CPAMD8: variants seen among roughly 807,000 people sequenced by gnomAD.
The protein encoded by CPAMD8 is C3 and PZP like alpha-2-macroglobulin domain containing 8.
In CPAMD8, 146 loss-of-function variants were observed where a neutral mutation model predicts 224.7. The ratio of observed to expected loss-of-function variants is 0.65; its 90% CI spans 0.57 to 0.75. CPAMD8 has a LOEUF of 0.75. CPAMD8 is among the 30% of genes least tolerant of loss of function. The probability of loss-of-function intolerance (pLI) is 0.00; values close to 1 mark genes in which losing one functional copy is unlikely to be tolerated. For synonymous variants in CPAMD8, 966 were observed against 1,044.6 expected, an observed-to-expected ratio of 0.92 and a Z score of 1.45; for missense variants, 2,301 against 2,537.5, an observed-to-expected ratio of 0.91 and a Z score of 2.00.
intron 18 of CPAMD8, among the ~76,000 whole-genome samples, chr19:16,965,419 T>C (rs563636200): frequency 6.6e-6 from 1 of 152,268 alleles, no homozygotes; most frequent in South Asian, 2.1e-4. Flanking sequence ...GCATTCCCTT[T>C]GAAAACTGGC....
chr19:16,898,114 G>T lies in CPAMD8; in HGVS notation c.4849-120C>A. ...GACGCGTGAAACACAGAAGAAACGT[G>T]ATCCCATTTTCTTTTTTTCTTTTAC... is the stretch of plus-strand genomic sequence containing the variant. On this transcript the variant is annotated intron_variant, in intron 37 of 41. Transcript: ENST00000443236. This position sits in a 1 kb window ranked among gnomAD's most constrained non-coding sequence, Gnocchi z 4.2. 2 of 630,988 alleles carry T rather than the reference G, an allele frequency of 3.2e-6. No individual in the cohort carries two copies. The highest frequency in any genetic ancestry group is 3.1e-5 in the Admixed American group (1 of 32,728). 39.1% of individuals were successfully genotyped at this position (630,988 alleles called of 1,614,324 possible).
In CPAMD8 at chr19:16,993,402, C is replaced by T. The variant is rs374777732; in HGVS notation, c.1266+14G>A. 100 of 1,607,352 alleles carry T rather than the reference C, an allele frequency of 6.2e-5. No homozygotes were observed. Among genetic ancestry groups the T allele is most frequent in the East Asian group, 6.7e-5 (3 of 44,728 alleles). ...CTGCTGGCTGAATAACAAGGGTCCA[C>T]GGGACTCACCCACCTCCAGCCACAC... On this transcript the variant is annotated intron_variant, in intron 12 of 41. Coordinates refer to ENST00000443236, the MANE Select transcript of CPAMD8 (RefSeq NM_015692.5).
chr19:16,947,435 C>A (rs565051396), intron 20 of CPAMD8, among the ~76,000 whole-genome samples: 1 of 152,326 alleles, frequency 6.6e-6, no homozygotes, highest in East Asian at 1.9e-4. Context: ...CCTTCTCATG[C>A]CCATCTGTCT....
At chr19:17,016,491 T>G (rs2056815073) in intron 3 of CPAMD8, among the ~76,000 whole-genome samples, 2 of 152,192 alleles carry the variant, frequency 1.3e-5, no homozygotes, top group Admixed American at 6.6e-5. Context: ...CTGGGTGCAG[T>G]GGCTCACACC....
chr19:16,962,377 G>A (rs1304708178), intron 18 of CPAMD8, among the ~76,000 whole-genome samples: 7 of 152,146 alleles, frequency 4.6e-5, no homozygotes, highest in East Asian at 1.9e-4. Context: ...ACCATGGCAC[G>A]AGAACTTTGT....
chr19:16,943,670 T>C (rs1357891870), intron 22 of CPAMD8, among the ~76,000 whole-genome samples: 1 of 152,212 alleles, frequency 6.6e-6, no homozygotes, highest in African/African-American at 2.4e-5. Context: ...GGACATTTCC[T>C]AAAATAGAAA....
chr19:16,960,500 G>A (rs1347938383), intron 18 of CPAMD8, among the ~76,000 whole-genome samples: 1 of 150,542 alleles, frequency 6.6e-6, no homozygotes, highest in Admixed American at 6.6e-5. Flanking sequence ...GATATGGAAT[G>A]ATTTCCAAGA....
chr19:16,968,563 A>C (rs969560771), intron 18 of CPAMD8, among the ~76,000 whole-genome samples: 1 of 152,186 alleles, frequency 6.6e-6, no homozygotes, highest in African/African-American at 2.4e-5. Flanking sequence ...TCATAGCACA[A>C]TGTGACTGCA....
At chr19:16,939,862 G>A (rs1342699663) in intron 22 of CPAMD8, among the ~76,000 whole-genome samples, 1 of 151,938 alleles carries the variant, frequency 6.6e-6, no homozygotes, top group Non-Finnish European at 1.5e-5. Flanking sequence ...TGGCTTTACT[G>A]GGTCTTTAGC....
rs563263522 is a variant in CPAMD8 at position 16,898,423 on chromosome 19, C to T, written c.4849-429G>A. ...CCATTTTTTATTCTTTGGGTCCTTC[C>T]ATCCCACTGGGAAAACGTCTCAGGT... is the stretch of plus-strand genomic sequence containing the variant. On this transcript the variant is annotated intron_variant, in intron 37 of 41. Transcript: ENST00000443236. The surrounding 1 kb of genome is among the most constrained non-coding windows in gnomAD (Gnocchi z 4.2). 6.6e-6 allele frequency among the ~76,000 whole-genome samples: 1 copy of T among 152,192 alleles called. No homozygotes were observed. The highest frequency in any genetic ancestry group is 1.9e-4 in the East Asian group (1 of 5,176).
rs267605342 is a variant in CPAMD8, at chr19:16,997,268, C to G, written c.938G>C (p.Arg313Pro). 5.8e-6 allele frequency: 9 copies of G among 1,564,850 alleles called. No individual in the cohort carries two copies. The highest frequency in any genetic ancestry group is 7.9e-6 in the Non-Finnish European group (9 of 1,139,572). The change falls in exon 11 of 42, where the codon CGG becomes CCG. Residue 313 changes from arginine (R) to proline (P), a missense_variant. Arg to Pro is a moderately radical substitution (Grantham distance 103). Coordinates refer to ENST00000443236, the MANE Select transcript of CPAMD8 (RefSeq NM_015692.5). ...CATGGCCCAGATGCTGACCCTGCCCCGGAAGTGCTCAGGGACGTCCGCTGG... is the reference window on the plus strand; with the variant it reads ...CATGGCCCAGATGCTGACCCTGCCCGGGAAGTGCTCAGGGACGTCCGCTGG... ...MIPADVPEHFRGRVSIWAMVT... is the reference protein window; with the variant it reads ...MIPADVPEHFPGRVSIWAMVT...
chr19:16,981,021 C>T (rs1469732872), intron 13 of CPAMD8, among the ~76,000 whole-genome samples: 2 of 151,768 alleles, frequency 1.3e-5, no homozygotes, highest in African/African-American at 4.9e-5. Context: ...TTAGTAGAAA[C>T]GGAGTTTCAC....
Position 16,904,357 on chromosome 19 carries a change from A to G in CPAMD8, c.4120T>C (p.Ser1374Pro). The change falls in exon 32 of 42, where the codon TCG (serine) becomes CCG (proline). Residue 1374 changes from serine to proline, a missense_variant. By Grantham distance (74) the Ser-to-Pro change is moderately conservative. Transcript: ENST00000443236. ...TAGGCTGTCATTTCCACCTCGGCCGAGACCACTGCAATGGAAGAGGCCCAC... is the reference window on the plus strand; with the variant it reads ...TAGGCTGTCATTTCCACCTCGGCCGGGACCACTGCAATGGAAGAGGCCCAC... ...FSDRVSQSVV[S>P]AEVEMTAYAL... The G allele has an allele frequency of 6.2e-7, 1 of 1,613,970 alleles. No individual in the cohort carries two copies. Among genetic ancestry groups the G allele is most frequent in the Non-Finnish European group, 8.5e-7 (1 of 1,180,016 alleles).
rs768096624 is a variant in CPAMD8 at position 16,896,067 on chromosome 19, G to A, written c.5426+109C>T. The A allele has an allele frequency of 7.2e-6, 9 of 1,256,068 alleles. No individual in the cohort carries two copies. The East Asian group carries it at 2.1e-4, about 29-fold the overall frequency. 77.8% of individuals were successfully genotyped at this position (1,256,068 alleles called of 1,614,324 possible). On this transcript the variant is annotated intron_variant, in intron 41 of 41. Transcript: ENST00000443236. The stretch of plus-strand genomic sequence containing the variant: ...CACTCCCACTGCCAGTGGGGGGTCG[G>A]GGCGGGGCGGAGGAGTCGGGGCAGG...
At chr19:16,990,466 G>A (rs1026209444) in intron 12 of CPAMD8, among the ~76,000 whole-genome samples, 2 of 151,960 alleles carry the variant, frequency 1.3e-5, no homozygotes, top group South Asian at 4.2e-4. Flanking sequence ...GCTGAAGCAG[G>A]AGGATCACTT....
intron 27 of CPAMD8, among the ~76,000 whole-genome samples, chr19:16,915,575 G>A (rs2052920022): frequency 6.6e-6 from 1 of 152,112 alleles, no homozygotes; most frequent in Non-Finnish European, 1.5e-5. Flanking sequence ...CATCTCCCTT[G>A]CCCTGCTTTT....
chr19:16,903,715 A>G lies in CPAMD8; in HGVS notation c.4394T>C (p.Leu1465Pro), dbSNP rs1413957195. The change falls in exon 33 of 42, where the codon CTG (leucine) becomes CCG (proline). Residue 1465 changes from leucine (L) to proline (P), a missense_variant. Coordinates refer to ENST00000443236, the MANE Select transcript of CPAMD8 (RefSeq NM_015692.5). ...AGGAACACGCACCGCTGCTGTCTGC[A>G]GAACCTTCTGGTTGGTCCTGTGCAG... ...FELHRTNQKV[L>P]QTAAIPSLPT... 1.2e-6 allele frequency: 2 copies of G among 1,614,078 alleles called. No individual in the cohort carries two copies. Among genetic ancestry groups the G allele is most frequent in the Non-Finnish European group, 1.7e-6 (2 of 1,180,036 alleles).
chr19:16,897,796 C>A lies in CPAMD8; in HGVS notation c.4960G>T (p.Glu1654Ter). ...SVYDYYEPAF[E>*]ATRFYNVSTH... ...CTGACGTTGTAGAAGCGAGTGGCCTCGAAGGCTACGGGACGAGGGTGGCGG... is the reference window on the plus strand; with the variant it reads ...CTGACGTTGTAGAAGCGAGTGGCCTAGAAGGCTACGGGACGAGGGTGGCGG... Residue 1654 changes from glutamate (E) to a stop codon, truncating the protein, a stop_gained, in exon 39 of 42, where the codon GAG (glutamate) becomes TAG (stop). Coordinates refer to ENST00000443236, the MANE Select transcript of CPAMD8 (RefSeq NM_015692.5). LOFTEE classifies it high-confidence loss of function. The A allele has an allele frequency of 6.3e-7, 1 of 1,583,018 alleles. No individual in the cohort carries two copies. The highest frequency in any genetic ancestry group is 2.3e-5 in the East Asian group (1 of 44,024).
chr19:16,934,072 C>G (rs1261876177), intron 23 of CPAMD8, among the ~76,000 whole-genome samples: 5 of 152,046 alleles, frequency 3.3e-5, no homozygotes, highest in African/African-American at 9.7e-5. Flanking sequence ...AGAAACCAGA[C>G]AAAAAGAATA....
Sources: gnomAD v4.1 joint callset for allele counts (sites outside exome capture counted in the v4.1 genomes callset) on GRCh38, gnomAD v4.1.1 for gene constraint, Gnocchi (gnomAD v3.1) non-coding constraint, MANE v1.5 for transcripts, NCBI Gene and HGNC (gene_info 2026-07-23, HGNC 2026-07-21) for gene names.